Variants in THRB observed in about 807,000 individuals in gnomAD.
The protein encoded by THRB is thyroid hormone receptor beta.
In THRB, 12 loss-of-function variants were observed where a neutral mutation model predicts 47.8. The observed-to-expected ratio is 0.25, with a 90% confidence interval of 0.16 to 0.41. The LOEUF (loss-of-function observed/expected upper bound fraction) is 0.41. Among genes scored for constraint, THRB ranks in the 10% least tolerant of loss-of-function variants. The probability of loss-of-function intolerance (pLI) is 1.00; values close to 1 mark genes in which losing one functional copy is unlikely to be tolerated. For missense variants in THRB, 348 were observed against 589.2 expected, an observed-to-expected ratio of 0.59 and a Z score of 4.24; for synonymous variants, 218 against 212.2, an observed-to-expected ratio of 1.03 and a Z score of -0.24.
At chr3:24,415,788 C>A (rs1364810466) in intron 1 of THRB, among the ~76,000 whole-genome samples, 1 of 151,710 alleles carries the variant, frequency 6.6e-6, no homozygotes, top group Non-Finnish European at 1.5e-5. Context: ...GTATCTTGTG[C>A]CTTTTTGCTA....
chr3:24,322,420 C>G (rs1317831981), intron 2 of THRB, among the ~76,000 whole-genome samples: 5 of 152,304 alleles, frequency 3.3e-5, no homozygotes, highest in African/African-American at 1.2e-4. Flanking sequence ...TAATCTATAT[C>G]CACCAAATAA....
At chr3:24,274,505 C>G (rs1000903260) in intron 3 of THRB, among the ~76,000 whole-genome samples, 1 of 152,164 alleles carries the variant, frequency 6.6e-6, no homozygotes, top group Non-Finnish European at 1.5e-5. Context: ...GAGTATGTGT[C>G]TAAACACTTT....
chr3:24,370,232 TC>T (rs2064803878), intron 1 of THRB, among the ~76,000 whole-genome samples: 1 of 152,244 alleles, frequency 6.6e-6, no homozygotes, highest in African/African-American at 2.4e-5. Flanking sequence ...AGATAACTTG[TC>T]CCCTTTATTG....
At chr3:24,463,803 T>C (rs944632709) in intron 1 of THRB, among the ~76,000 whole-genome samples, 1 of 152,180 alleles carries the variant, frequency 6.6e-6, no homozygotes, top group Admixed American at 6.5e-5. Flanking sequence ...TTGCCAACTA[T>C]TCTGTAAGTA....
At chr3:24,165,089 T>C (rs773169544) in intron 5 of THRB, 6 of 764,782 alleles carry the variant, frequency 7.8e-6, no homozygotes, top group Non-Finnish European at 1.4e-5. Context: ...TTCAGTGAAA[T>C]ATTCAGGTTG....
chr3:24,426,623 G>A (rs1049881239), intron 1 of THRB, among the ~76,000 whole-genome samples: 1 of 151,928 alleles, frequency 6.6e-6, no homozygotes, highest in African/African-American at 2.4e-5. Context: ...CTCTCACAAA[G>A]CAGAACACTG....
intron 1 of THRB, among the ~76,000 whole-genome samples, chr3:24,420,619 T>C (rs1032855041): frequency 5.9e-5 from 9 of 151,892 alleles, no homozygotes; most frequent in African/African-American, 2.2e-4. Flanking sequence ...TCACTGATCA[T>C]TAGAGAAATT....
intron 1 of THRB, among the ~76,000 whole-genome samples, chr3:24,347,404 C>A (rs2063089031): frequency 6.6e-6 from 1 of 151,572 alleles, no homozygotes; most frequent in African/African-American, 2.4e-5. Flanking sequence ...TAACAAAGGT[C>A]AGAAATTAGT....
chr3:24,417,107 CACACACACACACACACACACACACACACA>C (rs2068806452), intron 1 of THRB, among the ~76,000 whole-genome samples: 1 of 146,016 alleles, frequency 6.8e-6, no homozygotes, highest in African/African-American at 2.5e-5. Context: ...CACACACACA[CACACACACACACACACACACACACACACA>C]CACGCGCAAC....
chr3:24,406,177 T>C (rs559837349), intron 1 of THRB, among the ~76,000 whole-genome samples: 1 of 151,860 alleles, frequency 6.6e-6, no homozygotes, highest in Admixed American at 6.6e-5. Context: ...CTTGTCATTA[T>C]ATTTGCTAGA....
intron 5 of THRB, among the ~76,000 whole-genome samples, chr3:24,175,278 T>A (rs778060929): frequency 2.6e-5 from 4 of 152,202 alleles, no homozygotes; most frequent in Non-Finnish European, 5.9e-5. Flanking sequence ...TTCCAAGCCC[T>A]TTCTTGCATA....
At chr3:24,304,417 T>C (rs545755787) in intron 2 of THRB, among the ~76,000 whole-genome samples, 3 of 151,826 alleles carry the variant, frequency 2.0e-5, no homozygotes, top group Non-Finnish European at 2.9e-5. Context: ...ATAAGAAACA[T>C]CCTTTATAAT....
In THRB at chr3:24,164,659, A is replaced by G. The variant is rs2039386008; in HGVS notation, c.284-12169T>C. On this transcript the variant is annotated intron_variant, in intron 5 of 10. Transcript: ENST00000646209. ...AAAAGTCAAATGAGTTTTTAATCTG[A>G]ACCTGAACTAGAGAGAATTATCTCA... Among the ~76,000 whole-genome samples the G allele has an allele frequency of 2.0e-5, 3 of 152,216 alleles. No homozygotes were observed. The South Asian group carries it at 6.2e-4, about 31-fold the overall frequency.
At chr3:24,417,645 G>A (rs995211165) in intron 1 of THRB, among the ~76,000 whole-genome samples, 5 of 151,760 alleles carry the variant, frequency 3.3e-5, no homozygotes, top group Middle Eastern at 3.2e-3. Flanking sequence ...CTTCGCACAC[G>A]CTCTCATAAG....
At chr3:24,420,596 A>G (rs1283059318) in intron 1 of THRB, among the ~76,000 whole-genome samples, 1 of 152,034 alleles carries the variant, frequency 6.6e-6, no homozygotes, top group Non-Finnish European at 1.5e-5. Context: ...AGCATATGAA[A>G]AAAAGCTCAA....
At chr3:24,324,929 T>TTA (rs2058711003) in intron 2 of THRB, among the ~76,000 whole-genome samples, 1 of 152,208 alleles carries the variant, frequency 6.6e-6, no homozygotes, top group South Asian at 2.1e-4. Context: ...TACATGAGAA[T>TTA]TATAAAATAT....
At chr3:24,442,630 G>C (rs2071641844) in intron 1 of THRB, among the ~76,000 whole-genome samples, 1 of 152,034 alleles carries the variant, frequency 6.6e-6, no homozygotes, top group South Asian at 2.1e-4. Flanking sequence ...CTCGAGACCA[G>C]CCTGACCAAC....
chr3:24,324,309 A>T (rs993472241), intron 2 of THRB, among the ~76,000 whole-genome samples: 70 of 149,666 alleles, frequency 4.7e-4, no homozygotes, highest in African/African-American at 1.7e-3. Context: ...CATTCATTCT[A>T]TCTTTCTCCT....
In THRB at chr3:24,205,778, T is replaced by A. The variant is rs969042981; in HGVS notation, c.23-15444A>T. Among the ~76,000 whole-genome samples the A allele has an allele frequency of 5.1e-4, 77 of 152,190 alleles. 1 individual carries two copies. Among genetic ancestry groups the A allele is most frequent in the African/African-American group, 1.7e-3 (71 of 41,522 alleles). ...CCCATCTCATGTGCAGAGACACACA[T>A]AGGCTCAAAGTAAAGGGATGGAGGA... is the stretch of plus-strand genomic sequence containing the variant. On this transcript the variant is annotated intron_variant, in intron 4 of 10. Coordinates refer to ENST00000646209, the MANE Select transcript of THRB (RefSeq NM_001354712.2).
Sources: allele counts gnomAD v4.1 joint callset (sites outside exome capture counted in the v4.1 genomes callset), GRCh38; gene constraint gnomAD v4.1.1; transcripts MANE v1.5; gene names NCBI Gene and HGNC (gene_info 2026-07-23, HGNC 2026-07-21).